SI: variants seen among roughly 807,000 people sequenced by gnomAD.
SI encodes the protein sucrase-isomaltase, also known as sucrase-isomaltase, intestinal.
A neutral mutation model predicts 253.3 loss-of-function variants in SI; 235 were observed. The observed-to-expected ratio is 0.93, with a 90% CI of 0.83 to 1.03. SI has a LOEUF of 1.03. Among genes scored for constraint, SI ranks in the 50% least tolerant of loss-of-function variants. SI has a pLI of 0.00. For synonymous variants in SI, 819 were observed against 712.0 expected (o/e 1.15, Z -2.39); for missense variants, 2,442 against 2,211.1 (o/e 1.10, Z -2.09).
intron 20 of SI, 45 bp downstream of exon 20, chr3:165,039,033 A>C: frequency 1.6e-6 from 2 of 1,270,774 alleles, no homozygotes; most frequent in Admixed American, 3.4e-5. Flanking sequence ...GAAGTGTTTG[A>C]AAATATAATA....
chr3:165,015,201 A>C lies in SI; in HGVS notation c.3921T>G (p.Thr1307=). The change falls in exon 33 of 48, where the codon ACT becomes ACG. Residue 1307 remains threonine, a synonymous_variant. Transcript: ENST00000264382. ...DPAISGNETK[T]YPAFERGQQN... is the part of the protein sequence containing the mutation. Reference sequence around the variant, plus strand: ...GCTGTCCTCTTTCAAATGCAGGGTAAGTCTTTGTTTCATTTCCTGAAATTG... The same window carrying C: ...GCTGTCCTCTTTCAAATGCAGGGTACGTCTTTGTTTCATTTCCTGAAATTG... 1.9e-6 allele frequency: 3 copies of C among 1,613,436 alleles called. No individual in the cohort carries two copies. The highest frequency in any genetic ancestry group is 2.2e-5 in the South Asian group (2 of 91,080).
At position 165,019,670 on chromosome 3, in the gene SI, G is replaced by A; in HGVS notation, c.3355C>T (p.His1119Tyr). Residue 1119 changes from histidine to tyrosine, a missense_variant, in exon 28 of 48, where the codon CAT becomes TAT. His to Tyr is a moderately conservative substitution (Grantham distance 83). Coordinates refer to ENST00000264382, the MANE Select transcript of SI (RefSeq NM_001041.4). ...TTCAGATCTCGCTTAAATGCTGTAT[G>A]TTCCACTTCCCCAAAACCATATATA... is the stretch of plus-strand genomic sequence containing the variant. ...EYIYGFGEVE[H>Y]TAFKRDLNWN... 6.2e-7 allele frequency: 1 copy of A among 1,612,590 alleles called. No homozygotes were observed. Among genetic ancestry groups the A allele is most frequent in the South Asian group, 1.1e-5 (1 of 91,058 alleles).
At chr3:165,061,586 T>C (rs962111977) in intron 9 of SI, among the ~76,000 whole-genome samples, 1 of 151,998 alleles carries the variant, frequency 6.6e-6, no homozygotes, top group African/African-American at 2.4e-5. Context: ...ATGGGAATTT[T>C]ATGTCAAAAG....
At chr3:165,015,838 G>C (rs551161481) in intron 32 of SI, 114 bp downstream of exon 32, 1 of 900,828 alleles carries the variant, frequency 1.1e-6, no homozygotes, top group Admixed American at 1.8e-5. Context: ...AGATTTGGGA[G>C]TGTTACTCAA....
intron 3 of SI, 149 bp downstream of exon 3, chr3:165,074,382 A>C (rs983764342): frequency 1.1e-5 from 5 of 445,730 alleles, no homozygotes. Flanking sequence ...ATTATCTATC[A>C]TTTTTAATAG....
At chr3:165,074,761 G>T (rs1714839482) in intron 2 of SI, 94 bp from the exon 3 acceptor site, 2 of 1,026,530 alleles carry the variant, frequency 1.9e-6, no homozygotes, top group Non-Finnish European at 2.9e-6. Context: ...AAGAATACAT[G>T]AATTCATATA....
chr3:165,000,525 T>C (rs1718208802), intron 37 of SI, among the ~76,000 whole-genome samples: 1 of 151,542 alleles, frequency 6.6e-6, no homozygotes, highest in South Asian at 2.1e-4. Flanking sequence ...CTGTATAATG[T>C]ATGAAAACAT....
chr3:165,089,080 CTTTTTTCTTT>C, the SI span, among the ~76,000 whole-genome samples: 8 of 70,910 alleles, frequency 1.1e-4, no homozygotes, highest in Non-Finnish European at 2.2e-4. Flanking sequence ...TTTCTTTTTT[CTTTTTTCTTT>C]TTTTTTTAAT....
upstream of SI, among the ~76,000 whole-genome samples, chr3:165,083,397 G>A (rs1028229208): frequency 7.2e-5 from 11 of 151,772 alleles, no homozygotes; most frequent in Admixed American, 6.6e-4. Flanking sequence ...AAACACATAT[G>A]TATTTCTGTA....
Position 165,062,462 on chromosome 3 carries a change from G to A in SI, c.929C>T (p.Pro310Leu). The change falls in exon 9 of 48, where the codon CCA (proline) becomes CTA (leucine). Residue 310 changes from proline to leucine, a missense_variant. Transcript: ENST00000264382. Reference sequence around the variant, plus strand: ...ACCGGTAACTCTATATGTTACTATTGGAGTAGGCTGGATAAAAATCTCTGC... The same window carrying A: ...ACCGGTAACTCTATATGTTACTATTAGAGTAGGCTGGATAAAAATCTCTGC... Reference protein sequence around the residue: ...NAMEIFIQPTPIVTYRVTGGI... With the variant: ...NAMEIFIQPTLIVTYRVTGGI... 6.3e-7 allele frequency: 1 copy of A among 1,590,522 alleles called. No individual in the cohort carries two copies. Among genetic ancestry groups the A allele is most frequent in the South Asian group, 1.1e-5 (1 of 90,590 alleles).
upstream of SI, among the ~76,000 whole-genome samples, chr3:165,080,714 G>C (rs1715284435): frequency 6.6e-6 from 1 of 151,960 alleles, no homozygotes; most frequent in Non-Finnish European, 1.5e-5. Context: ...AGAACACTTG[G>C]ACACAGGAAG....
upstream of SI, among the ~76,000 whole-genome samples, chr3:165,081,517 T>C (rs1029590914): frequency 1.3e-5 from 2 of 152,040 alleles, no homozygotes; most frequent in Non-Finnish European, 2.9e-5. Flanking sequence ...ACCTCAAATA[T>C]GCACCTTAGG....
At position 165,068,770 on chromosome 3, in the gene SI, A is replaced by C; in HGVS notation, c.435T>G (p.Ser145Arg). ...TCTGATTTTGAGTTGTGAAGAGAAC[A>C]CTGTTGATGTCATTTCCAAATAGTG... ...SPTLFGNDIN[S>R]VLFTTQNQTP... The change falls in exon 5 of 48, where the codon AGT becomes AGG. Residue 145 changes from serine (S) to arginine (R), a missense_variant. Physicochemically the swap from Ser to Arg is moderately radical, Grantham distance 110 (BLOSUM62 -1). Transcript: ENST00000264382. The C allele has an allele frequency of 6.2e-7, 1 of 1,613,978 alleles. No individual in the cohort carries two copies. Among genetic ancestry groups the C allele is most frequent in the East Asian group, 2.2e-5 (1 of 44,856 alleles).
At chr3:165,046,529 A>G (rs1408004646) in intron 16 of SI, among the ~76,000 whole-genome samples, 1 of 152,044 alleles carries the variant, frequency 6.6e-6, no homozygotes, top group Non-Finnish European at 1.5e-5. Context: ...AATGTATTTG[A>G]ACTTTTCTTC....
chr3:165,088,984 A>G, the SI span, among the ~76,000 whole-genome samples: 237 of 152,148 alleles, frequency 1.6e-3, 1 homozygote, highest in African/African-American at 5.6e-3. Context: ...TTGATCATCA[A>G]CTTAGAAATG....
Position 165,019,635 on chromosome 3 carries a change from A to G in SI, c.3390T>C (p.Thr1130=), listed in dbSNP as rs1198076533. The G allele has an allele frequency of 1.2e-5, 19 of 1,612,492 alleles. No individual in the cohort carries two copies. The highest frequency in any genetic ancestry group is 1.6e-5 in the Non-Finnish European group (19 of 1,179,048). Residue 1130 remains threonine, a synonymous_variant, in exon 28 of 48, where the codon ACT becomes ACC. Coordinates refer to ENST00000264382, the MANE Select transcript of SI (RefSeq NM_001041.4). The stretch of plus-strand genomic sequence containing the variant: ...GTTGGTCTCTTGTGAACATTCCCCA[A>G]GTATTCCAGTTCAGATCTCGCTTAA... ...TAFKRDLNWN[T]WGMFTRDQPP... is the part of the protein sequence containing the mutation.
chr3:165,055,029 T>A (rs1456811882), intron 13 of SI, among the ~76,000 whole-genome samples, 165 bp downstream of exon 13: 1 of 152,188 alleles, frequency 6.6e-6, no homozygotes, highest in East Asian at 1.9e-4. Flanking sequence ...TTCTTACTTA[T>A]GCACACGATG....
chr3:164,993,248 C>A (rs374555601), intron 41 of SI, among the ~76,000 whole-genome samples: 3 of 151,276 alleles, frequency 2.0e-5, no homozygotes, highest in African/African-American at 7.3e-5. Context: ...ATAAGAATAA[C>A]AAAAAGGGGT....
intron 15 of SI, among the ~76,000 whole-genome samples, chr3:165,047,814 G>A (rs1001149306): frequency 1.4e-5 from 2 of 147,068 alleles, no homozygotes; most frequent in African/African-American, 5.0e-5. Context: ...AGCAGGCAAG[G>A]TTGGGATAAA....
Sources: gnomAD v4.1 joint callset for allele counts (sites outside exome capture counted in the v4.1 genomes callset) on GRCh38, gnomAD v4.1.1 for gene constraint, MANE v1.5 for transcripts, NCBI Gene and HGNC (gene_info 2026-07-23, HGNC 2026-07-21) for gene names.